The following ATAD3B variants were observed in gnomAD, a reference collection of about 807,000 sequenced individuals.
The protein encoded by ATAD3B is ATPase family AAA domain-containing protein 3B.
In ATAD3B, 59 loss-of-function variants were observed where a neutral mutation model predicts 70.2. That is an observed-to-expected ratio of 0.84 (90% CI 0.68 to 1.04). The LOEUF is 1.04. Among genes scored for constraint, ATAD3B ranks in the 50% least tolerant of loss-of-function variants. ATAD3B has a pLI of 0.00. For synonymous variants in ATAD3B, 423 were observed against 388.6 expected, an observed-to-expected ratio of 1.09 and a Z score of -1.04; for missense variants, 961 against 913.4, an observed-to-expected ratio of 1.05 and a Z score of -0.67.
the ATAD3B span, chr1:1,509,294 G>A: frequency 6.2e-7 from 1 of 1,612,866 alleles, no homozygotes; most frequent in Non-Finnish European, 8.5e-7. Flanking sequence ...ACCAGCAGAT[G>A]ATGCGCTGGC....
At chr1:1,487,217 G>A (rs867046390) in intron 11 of ATAD3B, among the ~76,000 whole-genome samples, 11 of 152,022 alleles carry the variant, frequency 7.2e-5, no homozygotes, top group Admixed American at 2.0e-4. Context: ...TGCGCCAGGC[G>A]TGGTGGCTCA....
the ATAD3B span, chr1:1,503,719 G>T: frequency 1.9e-6 from 3 of 1,597,744 alleles, no homozygotes; most frequent in Non-Finnish European, 2.6e-6. Context: ...CGGGCATGGA[G>T]ATTGGTAGGG....
intron 1 of ATAD3B, among the ~76,000 whole-genome samples, chr1:1,475,678 G>C (rs540130724): frequency 6.6e-6 from 1 of 151,824 alleles, no homozygotes; most frequent in Non-Finnish European, 1.5e-5. Context: ...CTCCACAGAG[G>C]GGGTGCCTGG....
intron 15 of ATAD3B, among the ~76,000 whole-genome samples, chr1:1,492,950 A>AG (rs1335299072): frequency 4.0e-5 from 6 of 150,682 alleles, no homozygotes; most frequent in East Asian, 1.9e-4. Flanking sequence ...AAAAAAAAAA[A>AG]AAAGAAAGAA....
chr1:1,483,328 A>T (rs368182439), intron 7 of ATAD3B, among the ~76,000 whole-genome samples: 2 of 151,552 alleles, frequency 1.3e-5, no homozygotes, highest in African/African-American at 4.8e-5. Flanking sequence ...TTAGCAGGCC[A>T]AGGTGGCGTG....
At chr1:1,488,616 G>A (rs753801579) in intron 12 of ATAD3B, among the ~76,000 whole-genome samples, 5 of 151,968 alleles carry the variant, frequency 3.3e-5, no homozygotes, top group East Asian at 3.9e-4. Flanking sequence ...AAAATTAGCC[G>A]GGCGTCGTGG....
At position 1,477,963 on chromosome 1, in the gene ATAD3B, C is replaced by G. The variant is rs144049805; in HGVS notation, c.282+613C>G. 1,098 of 157,026 alleles carry G rather than the reference C, an allele frequency of 7.0e-3. 13 individuals are homozygous for G. Among genetic ancestry groups the G allele is most frequent in the African/African-American group, 0.013 (510 of 40,032 alleles). The allele number at this position is 157,026 out of a possible 1,614,324, so 9.7% of individuals were successfully genotyped here. A position where few individuals can be genotyped will look rare whatever the true frequency, so the allele number is the denominator to read the frequency against. On this transcript the variant is annotated intron_variant, in intron 2 of 15. Transcript: ENST00000673477. ...AGGTGATCCACCCGCCTCGGCCTCT[C>G]AAACTGCTGGGATTACAGGCACGCG... is the stretch of plus-strand genomic sequence containing the variant.
At chr1:1,501,838 C>G (rs1255047454), downstream of ATAD3B, among the ~76,000 whole-genome samples, 2 of 152,112 alleles carry the variant, frequency 1.3e-5, no homozygotes, top group Non-Finnish European at 2.9e-5. Context: ...TCAGTGGCCT[C>G]CATGCCTTTG....
At chr1:1,489,543 G>C (rs1228261695) in intron 13 of ATAD3B, 1 of 1,000,392 alleles carries the variant, frequency 1.0e-6, no homozygotes, top group East Asian at 2.9e-5. Flanking sequence ...TCTGCCCCTA[G>C]ATTTCTGCGG....
chr1:1,484,232 G>A (rs1274258082), intron 7 of ATAD3B: 2 of 151,682 alleles, frequency 1.3e-5, no homozygotes, highest in African/African-American at 4.8e-5. Context: ...TGCTGCTCAA[G>A]TGCAGTGGCG....
At position 1,496,353 on chromosome 1, in the gene ATAD3B, C is replaced by G. The variant is rs1370721700; in HGVS notation, c.*536C>G. 16 of 699,150 alleles carry G rather than the reference C, an allele frequency of 2.3e-5. No individual in the cohort carries two copies. The highest frequency in any genetic ancestry group is 2.6e-5 in the Non-Finnish European group (15 of 568,050). The allele number at this position is 699,150 out of a possible 1,614,324, so 43.3% of individuals were successfully genotyped here. On this transcript the variant is annotated 3_prime_UTR_variant, in exon 16 of 16. Coordinates refer to ENST00000673477, the MANE Select transcript of ATAD3B (RefSeq NM_031921.6). Reference sequence around the variant, plus strand: ...CGGTGTGCTTCACATCAGCCTCGCGCCACATCCGAGTTGGGGTCTGAATGC... The same window carrying G: ...CGGTGTGCTTCACATCAGCCTCGCGGCACATCCGAGTTGGGGTCTGAATGC...
chr1:1,503,571 C>T, the ATAD3B span: 17 of 1,607,260 alleles, frequency 1.1e-5, no homozygotes, highest in African/African-American at 1.3e-5. Flanking sequence ...CCTCTGTGCC[C>T]CTGTGCCTGC....
chr1:1,507,268 G>C, the ATAD3B span, among the ~76,000 whole-genome samples: 1 of 152,148 alleles, frequency 6.6e-6, no homozygotes, highest in Non-Finnish European at 1.5e-5. Flanking sequence ...CAGAGGAAAA[G>C]CTTCCAGTTT....
chr1:1,498,527 G>C (rs1640858492), downstream of ATAD3B, among the ~76,000 whole-genome samples: 1 of 151,798 alleles, frequency 6.6e-6, no homozygotes, highest in Non-Finnish European at 1.5e-5. Flanking sequence ...GGTGGGGATG[G>C]GGTCGGTGGG....
At chr1:1,495,212 C>T (rs1396566082) in intron 15 of ATAD3B, among the ~76,000 whole-genome samples, 4 of 151,994 alleles carry the variant, frequency 2.6e-5, no homozygotes, top group African/African-American at 9.7e-5. Context: ...CCTGGGTCAG[C>T]CGTCAGTGGT....
intron 8 of ATAD3B, 77 bp from the exon 9 acceptor site, chr1:1,485,705 G>A (rs1299019910): frequency 2.1e-5 from 34 of 1,593,004 alleles, no homozygotes; most frequent in Non-Finnish European, 2.6e-5. Context: ...GTGTGTTACC[G>A]AGCATGTGTG....
At chr1:1,485,985 GGCTGCCCACGA>G (rs1640190687) in intron 9 of ATAD3B, 114 bp from the exon 10 acceptor site, 2 of 1,589,006 alleles carry the variant, frequency 1.3e-6, no homozygotes, top group East Asian at 4.5e-5. Context: ...GGGATAGATA[GGCTGCCCACGA>G]GCTGGGCGGC....
chr1:1,503,422 G>A, the ATAD3B span: 8,042 of 679,248 alleles, frequency 0.012, 203 homozygotes, highest in African/African-American at 0.079. Context: ...ATGGGGCATC[G>A]TCACGCCAGG....
At chr1:1,472,914 A>T (rs1570176423) in intron 1 of ATAD3B, among the ~76,000 whole-genome samples, 1 of 151,404 alleles carries the variant, frequency 6.6e-6, no homozygotes, top group Non-Finnish European at 1.5e-5. Context: ...GCTCCCTGCA[A>T]CCTCCGCCTC....
Sources: gnomAD v4.1 joint callset for allele counts (sites outside exome capture counted in the v4.1 genomes callset) on GRCh38, gnomAD v4.1.1 for gene constraint, MANE v1.5 for transcripts, NCBI Gene and HGNC (gene_info 2026-07-23, HGNC 2026-07-21) for gene names.